CTNNA2: variants seen among roughly 807,000 people sequenced by gnomAD.
The protein encoded by CTNNA2 is catenin alpha-2.
CTNNA2 carries 42 observed loss-of-function variants against 101.0 expected under a neutral mutation model. The ratio of observed to expected loss-of-function variants is 0.42; its 90% CI spans 0.32 to 0.54. The LOEUF (loss-of-function observed/expected upper bound fraction) is 0.54, where lower values mean the gene tolerates loss of function less well. Among genes scored for constraint, CTNNA2 ranks in the 20% least tolerant of loss-of-function variants. The pLI is 0.14. For synonymous variants in CTNNA2, 450 were observed against 456.4 expected (o/e 0.99, Z 0.18); for missense variants, 871 against 1,223.1 (o/e 0.71, Z 4.29).
chr2:79,717,479 T>C (rs1686182422), intron 2 of CTNNA2, among the ~76,000 whole-genome samples: 1 of 152,194 alleles, frequency 6.6e-6, no homozygotes. Context: ...AGTCTGGGTA[T>C]GCTAGGCCAG....
intron 2 of CTNNA2, among the ~76,000 whole-genome samples, chr2:79,272,232 A>G (rs895794690): frequency 6.6e-6 from 1 of 152,148 alleles, no homozygotes; most frequent in Admixed American, 6.6e-5. Context: ...GGAGCAATGT[A>G]TGATCTAATA....
chr2:80,447,147 A>G (rs1289940808), intron 9 of CTNNA2, among the ~76,000 whole-genome samples: 2 of 152,182 alleles, frequency 1.3e-5, no homozygotes, highest in South Asian at 2.1e-4. Context: ...TTATTGTAAC[A>G]TAGTGGAATA....
At chr2:80,552,888 C>T (rs1311129995) in intron 11 of CTNNA2, among the ~76,000 whole-genome samples, 2 of 151,938 alleles carry the variant, frequency 1.3e-5, no homozygotes, top group African/African-American at 4.8e-5. Flanking sequence ...TGTTGCATGA[C>T]TATATCTTAA....
At chr2:79,445,986 C>T (rs933581012) in intron 4 of CTNNA2, among the ~76,000 whole-genome samples, 13 of 151,924 alleles carry the variant, frequency 8.6e-5, no homozygotes, top group African/African-American at 2.2e-4. Flanking sequence ...GGTGAAGTCC[C>T]GACATATGTC....
intron 7 of CTNNA2, among the ~76,000 whole-genome samples, chr2:80,006,250 G>T (rs1434057105): frequency 6.6e-6 from 1 of 151,688 alleles, no homozygotes; most frequent in Non-Finnish European, 1.5e-5. Flanking sequence ...TTCTAGATAT[G>T]CATATTTGCA....
intron 3 of CTNNA2, among the ~76,000 whole-genome samples, chr2:79,807,447 A>G (rs1255155690): frequency 6.6e-6 from 1 of 152,140 alleles, no homozygotes; most frequent in Non-Finnish European, 1.5e-5. Flanking sequence ...ATATTTCTGC[A>G]TCTTAATTTT....
intron 7 of CTNNA2, among the ~76,000 whole-genome samples, chr2:80,199,488 C>T (rs1042674146): frequency 6.6e-6 from 1 of 152,246 alleles, no homozygotes; most frequent in South Asian, 2.1e-4. Context: ...TGCAAATATT[C>T]CTGAGGGTAG....
chr2:79,631,549 G>A (rs1187494148), intron 1 of CTNNA2, among the ~76,000 whole-genome samples: 1 of 152,158 alleles, frequency 6.6e-6, no homozygotes, highest in Non-Finnish European at 1.5e-5. Context: ...GGAGCTGGGG[G>A]CATGTCTTTC....
In CTNNA2 at chr2:80,349,520, T is replaced by C. The variant is rs367869605; in HGVS notation, c.1057-43691T>C. On this transcript the variant is annotated intron_variant, in intron 7 of 18. Coordinates refer to ENST00000402739, the MANE Select transcript of CTNNA2 (RefSeq NM_001282597.3). ...TTTCCTGTTACAATCACCATGTTTA[T>C]GAGTAATATGCAGAAGCAGAGATCT... is the stretch of plus-strand genomic sequence containing the variant. 6.0e-4 allele frequency among the ~76,000 whole-genome samples: 91 copies of C among 152,294 alleles called. No individual in the cohort carries two copies. The South Asian group carries it at 0.018, about 31-fold the overall frequency.
intron 7 of CTNNA2, among the ~76,000 whole-genome samples, chr2:80,343,927 A>C (rs1351652328): frequency 6.6e-6 from 1 of 152,144 alleles, no homozygotes; most frequent in African/African-American, 2.4e-5. Context: ...GTATCTCTCT[A>C]GCTATTTCCC....
At chr2:79,604,505 A>G (rs1677757747) in intron 1 of CTNNA2, among the ~76,000 whole-genome samples, 1 of 152,166 alleles carries the variant, frequency 6.6e-6, no homozygotes, top group African/African-American at 2.4e-5. Context: ...GGAGAATCTG[A>G]AGTGTCTAGA....
chr2:79,455,091 G>C (rs1036083479), intron 4 of CTNNA2, among the ~76,000 whole-genome samples: 1 of 152,064 alleles, frequency 6.6e-6, no homozygotes, highest in African/African-American at 2.4e-5. Context: ...AAAATAAAGG[G>C]GGTGTCTGGG....
At position 79,535,102 on chromosome 2, in the gene CTNNA2, T is replaced by A. The variant is rs911189574; in HGVS notation, c.-6+21895T>A. On this transcript the variant is annotated intron_variant, in intron 1 of 18. Coordinates refer to ENST00000402739, the MANE Select transcript of CTNNA2 (RefSeq NM_001282597.3). ...GAGATAAACTATTCATGCAAAAAAA[T>A]TTAACATATGATAGACAAAATCTTA... Among the ~76,000 whole-genome samples the A allele has an allele frequency of 3.3e-5, 5 of 152,260 alleles. No homozygotes were observed. In the East Asian group the frequency reaches 7.7e-4, roughly 23 times the overall value.
Position 79,775,261 on chromosome 2 carries a change from C to T in CTNNA2, c.298+30679C>T, listed in dbSNP as rs1357681909. On this transcript the variant is annotated intron_variant, in intron 3 of 18. Coordinates refer to ENST00000402739, the MANE Select transcript of CTNNA2 (RefSeq NM_001282597.3). ...GCATTTTGGTTGTAGAGGATACAGACAGAAATGGACAGCTGTATGTCTACT... is the reference window on the plus strand; with the variant it reads ...GCATTTTGGTTGTAGAGGATACAGATAGAAATGGACAGCTGTATGTCTACT... Among the ~76,000 whole-genome samples the T allele has an allele frequency of 1.1e-4, 16 of 152,136 alleles. 1 individual carries two copies. Among genetic ancestry groups the T allele is most frequent in the Non-Finnish European group, 2.4e-4 (16 of 68,012 alleles).
At chr2:80,505,240 T>A (rs1688175755) in intron 9 of CTNNA2, among the ~76,000 whole-genome samples, 1 of 152,212 alleles carries the variant, frequency 6.6e-6, no homozygotes, top group Non-Finnish European at 1.5e-5. Flanking sequence ...AGAATTTGGA[T>A]TGTCAAAGTC....
Position 79,307,004 on chromosome 2 carries a change from A to G in CTNNA2, c.-405-5705A>G, listed in dbSNP as rs374023341. Reference sequence around the variant, plus strand: ...GATTTGTAGGCATAAGATATACTCTAGATATTAATCCTTTTTTAGTCATAC... The same window carrying G: ...GATTTGTAGGCATAAGATATACTCTGGATATTAATCCTTTTTTAGTCATAC... On this transcript the variant is annotated intron_variant, in intron 2 of 21. Transcript: ENST00000466387. 3.3e-5 allele frequency among the ~76,000 whole-genome samples: 5 copies of G among 152,312 alleles called. No homozygotes were observed. In the East Asian group the frequency reaches 9.6e-4, roughly 29 times the overall value.
In CTNNA2 at chr2:79,805,734, G is replaced by A. The variant is rs370740462; in HGVS notation, c.299-52279G>A. Among the ~76,000 whole-genome samples, 78 of 152,026 alleles carry A rather than the reference G, an allele frequency of 5.1e-4. 2 individuals carry two copies. The East Asian group carries it at 7.6e-3, about 15-fold the overall frequency. On this transcript the variant is annotated intron_variant, in intron 3 of 18. Coordinates refer to ENST00000402739, the MANE Select transcript of CTNNA2 (RefSeq NM_001282597.3). Reference sequence around the variant, plus strand: ...GGGTGGATCACGAGGTCAGGAGATCGAGACCATCCTGGCTAACACAGTGAA... The same window carrying A: ...GGGTGGATCACGAGGTCAGGAGATCAAGACCATCCTGGCTAACACAGTGAA...
At chr2:79,540,035 C>G (rs1673312083) in intron 1 of CTNNA2, among the ~76,000 whole-genome samples, 1 of 152,158 alleles carries the variant, frequency 6.6e-6, no homozygotes, top group Non-Finnish European at 1.5e-5. Flanking sequence ...TTCTGTCCCA[C>G]CAGACTGCAA....
At chr2:80,306,906 G>A (rs577137791) in intron 7 of CTNNA2, among the ~76,000 whole-genome samples, 1 of 152,182 alleles carries the variant, frequency 6.6e-6, no homozygotes, top group African/African-American at 2.4e-5. Flanking sequence ...TAGAGCTGGT[G>A]CAGAGAGGCA....
Sources: allele counts gnomAD v4.1 joint callset (sites outside exome capture counted in the v4.1 genomes callset), GRCh38; gene constraint gnomAD v4.1.1; transcripts MANE v1.5; gene names NCBI Gene and HGNC (gene_info 2026-07-23, HGNC 2026-07-21).